PDZRN4: variants seen among roughly 807,000 people sequenced by gnomAD.
PDZRN4 encodes PDZ domain containing ring finger 4.
In PDZRN4, 70 loss-of-function variants were observed where a neutral mutation model predicts 99.0. The ratio of observed to expected loss-of-function variants is 0.71; its 90% CI spans 0.58 to 0.86. PDZRN4 has a LOEUF of 0.86. Ranked by LOEUF, PDZRN4 falls within the 40% of genes least tolerant of loss-of-function variation. The probability of loss-of-function intolerance (pLI) is 0.00; values close to 1 mark genes in which losing one functional copy is unlikely to be tolerated. For missense variants in PDZRN4, 1,474 were observed against 1,331.2 expected, an observed-to-expected ratio of 1.11 and a Z score of -1.67; for synonymous variants, 551 against 501.6, an observed-to-expected ratio of 1.10 and a Z score of -1.32.
chr12:41,311,831 G>T (rs1180814272), intron 3 of PDZRN4, among the ~76,000 whole-genome samples: 2 of 152,058 alleles, frequency 1.3e-5, no homozygotes, highest in African/African-American at 2.4e-5. Flanking sequence ...AAGAAAACAT[G>T]TTAGAAAATT....
chr12:41,478,730 A>G (rs1006545055), intron 3 of PDZRN4, among the ~76,000 whole-genome samples: 1 of 152,140 alleles, frequency 6.6e-6, no homozygotes, highest in African/African-American at 2.4e-5. Context: ...AAGATGTTTT[A>G]TAATCATAAT....
chr12:41,395,091 C>A (rs1472346673), intron 3 of PDZRN4, among the ~76,000 whole-genome samples: 3 of 152,142 alleles, frequency 2.0e-5, no homozygotes, highest in Non-Finnish European at 4.4e-5. Flanking sequence ...CCTGTCCAGG[C>A]TCCCAAAAGT....
chr12:41,257,411 C>T (rs927654416), intron 3 of PDZRN4, among the ~76,000 whole-genome samples: 4 of 152,320 alleles, frequency 2.6e-5, no homozygotes, highest in Admixed American at 2.0e-4. Context: ...AATCATCTCT[C>T]ATAGGCCCTG....
rs561255674 is a variant in PDZRN4 at position 41,443,802 on chromosome 12, G to A, written c.844-62654G>A. Reference sequence around the variant, plus strand: ...AAAGAAGGGAAGTGTGTTCTGAAAAGGAAGAGGAGATTGTTGATTTCATTT... The same window carrying A: ...AAAGAAGGGAAGTGTGTTCTGAAAAAGAAGAGGAGATTGTTGATTTCATTT... On this transcript the variant is annotated intron_variant, in intron 3 of 9. Coordinates refer to ENST00000402685, the MANE Select transcript of PDZRN4 (RefSeq NM_001164595.2). Among the ~76,000 whole-genome samples, 3 of 152,252 alleles carry A rather than the reference G, an allele frequency of 2.0e-5. No individual in the cohort carries two copies. In the South Asian group the frequency reaches 6.2e-4, roughly 32 times the overall value.
intron 3 of PDZRN4, among the ~76,000 whole-genome samples, chr12:41,488,136 C>T (rs1592081022): frequency 6.6e-6 from 1 of 152,202 alleles, no homozygotes; most frequent in Admixed American, 6.5e-5. Flanking sequence ...GCCTTTTAGC[C>T]GTGCAAAACT....
At chr12:41,234,734 T>A (rs1339158138) in intron 3 of PDZRN4, among the ~76,000 whole-genome samples, 1 of 152,130 alleles carries the variant, frequency 6.6e-6, no homozygotes, top group Non-Finnish European at 1.5e-5. Context: ...TATAAATGTG[T>A]CCTTTAAAAG....
chr12:41,430,391 C>A (rs562872752), intron 3 of PDZRN4, among the ~76,000 whole-genome samples: 1 of 151,750 alleles, frequency 6.6e-6, no homozygotes, highest in African/African-American at 2.4e-5. Flanking sequence ...ATTACTTGAA[C>A]CCAGGAGGCA....
intron 3 of PDZRN4, among the ~76,000 whole-genome samples, chr12:41,387,290 A>C (rs1455828407): frequency 6.6e-6 from 1 of 152,206 alleles, no homozygotes; most frequent in Non-Finnish European, 1.5e-5. Context: ...ACCCCATTAA[A>C]AAAAGTGCAT....
chr12:41,316,738 A>G (rs1365957368), intron 3 of PDZRN4, among the ~76,000 whole-genome samples: 2 of 151,730 alleles, frequency 1.3e-5, no homozygotes, highest in African/African-American at 2.4e-5. Context: ...AGAAACTGAA[A>G]TCTTATTTCT....
At chr12:41,519,864 C>G (rs1938464317) in intron 5 of PDZRN4, among the ~76,000 whole-genome samples, 1 of 152,030 alleles carries the variant, frequency 6.6e-6, no homozygotes, top group Admixed American at 6.6e-5. Context: ...CCCTGACATT[C>G]CAGTTTGGAA....
chr12:41,267,627 G>T (rs990405602), intron 3 of PDZRN4, among the ~76,000 whole-genome samples: 1 of 149,728 alleles, frequency 6.7e-6, no homozygotes, highest in Non-Finnish European at 1.5e-5. Flanking sequence ...TCAGGAGTTC[G>T]AGACCAGCCT....
chr12:41,218,559 AC>A lies in PDZRN4; in HGVS notation c.843+24376del, dbSNP rs201148425. On this transcript the variant is annotated intron_variant, in intron 3 of 9. Coordinates refer to ENST00000402685, the MANE Select transcript of PDZRN4 (RefSeq NM_001164595.2). ...TAAAAATTTTATCATATACTGACAT[AC>A]CCCCTGTAAAGAGTGTTCTTTCTAA... Among the ~76,000 whole-genome samples, 1,223 of 152,192 alleles carry A rather than the reference AC, an allele frequency of 8.0e-3. 14 individuals are homozygous for A. The highest frequency in any genetic ancestry group is 0.01 in the Non-Finnish European group (687 of 67,990).
At chr12:41,433,763 T>A (rs925860408) in intron 3 of PDZRN4, among the ~76,000 whole-genome samples, 35 of 152,244 alleles carry the variant, frequency 2.3e-4, no homozygotes, top group African/African-American at 7.5e-4. Flanking sequence ...CACTTGGATT[T>A]TCTATTCCTT....
At chr12:41,314,519 C>T (rs1951626591) in intron 3 of PDZRN4, among the ~76,000 whole-genome samples, 1 of 152,146 alleles carries the variant, frequency 6.6e-6, no homozygotes, top group Non-Finnish European at 1.5e-5. Context: ...ATGGAGGAGC[C>T]TGGAGCCTTC....
intron 3 of PDZRN4, among the ~76,000 whole-genome samples, chr12:41,407,497 A>T (rs1177323926): frequency 1.3e-5 from 2 of 152,168 alleles, no homozygotes; most frequent in Non-Finnish European, 2.9e-5. Context: ...TGTTCATAAT[A>T]ACTAGGAAAT....
chr12:41,201,660 C>A (rs958778336), intron 3 of PDZRN4, among the ~76,000 whole-genome samples: 1 of 152,030 alleles, frequency 6.6e-6, no homozygotes, highest in African/African-American at 2.4e-5. Flanking sequence ...TTTTCAACAT[C>A]CCTGAAATTT....
intron 1 of PDZRN4, 112 bp from the exon 2 acceptor site, chr12:41,191,346 G>C: frequency 1.6e-6 from 1 of 628,706 alleles, no homozygotes; most frequent in Non-Finnish European, 2.8e-6. Context: ...TAATTTTAAA[G>C]TTTTCCTCTT....
chr12:41,456,780 C>T (rs565181339), intron 3 of PDZRN4, among the ~76,000 whole-genome samples: 35 of 152,008 alleles, frequency 2.3e-4, no homozygotes, highest in African/African-American at 4.6e-4. Context: ...AAGGAAAGAA[C>T]GAGAAAGTTA....
chr12:41,520,016 C>T (rs1938467503), intron 5 of PDZRN4, among the ~76,000 whole-genome samples: 1 of 152,090 alleles, frequency 6.6e-6, no homozygotes, highest in African/African-American at 2.4e-5. Flanking sequence ...CCTGCAGTTC[C>T]CCAGGGATGA....
Sources: gnomAD v4.1 joint callset for allele counts (sites outside exome capture counted in the v4.1 genomes callset) on GRCh38, gnomAD v4.1.1 for gene constraint, MANE v1.5 for transcripts, NCBI Gene and HGNC (gene_info 2026-07-23, HGNC 2026-07-21) for gene names.